CNTNAP2: variants seen among roughly 807,000 people sequenced by gnomAD.
CNTNAP2 encodes contactin associated protein 2, also known as contactin-associated protein-like 2.
Under a neutral mutation model 155.2 loss-of-function variants are expected in CNTNAP2, and 98 were observed. That is an observed-to-expected ratio of 0.63 (90% CI 0.54 to 0.75). CNTNAP2 has a LOEUF of 0.75. Ranked by LOEUF, CNTNAP2 falls within the 30% of genes least tolerant of loss-of-function variation. The pLI is 0.00. For synonymous variants in CNTNAP2, 651 were observed against 631.2 expected, an observed-to-expected ratio of 1.03 and a Z score of -0.47; for missense variants, 1,727 against 1,688.1, an observed-to-expected ratio of 1.02 and a Z score of -0.40.
rs1471427675 is a variant in CNTNAP2, at chr7:146,606,685, T to C, written c.98-167586T>C. Among the ~76,000 whole-genome samples, 4 of 152,226 alleles carry C rather than the reference T, an allele frequency of 2.6e-5. No homozygotes were observed. In the South Asian group the frequency reaches 6.2e-4, roughly 24 times the overall value. On this transcript the variant is annotated intron_variant, in intron 1 of 23. Coordinates refer to ENST00000361727, the MANE Select transcript of CNTNAP2 (RefSeq NM_014141.6). ...CTTTTCACTTGACAAAACCCACTTATTTTGCTTGAGAAATTATAAAACAAA... is the reference window on the plus strand; with the variant it reads ...CTTTTCACTTGACAAAACCCACTTACTTTGCTTGAGAAATTATAAAACAAA...
intron 14 of CNTNAP2, among the ~76,000 whole-genome samples, chr7:147,924,833 T>C (rs1336540949): frequency 2.0e-5 from 3 of 151,888 alleles, no homozygotes; most frequent in Non-Finnish European, 2.9e-5. Context: ...AGAAAGAGAA[T>C]GTGGCAAGGT....
chr7:146,687,950 CT>C (rs1447810721), intron 1 of CNTNAP2, among the ~76,000 whole-genome samples: 1 of 152,090 alleles, frequency 6.6e-6, no homozygotes. Context: ...GAAACACAGA[CT>C]TTTCCCAAGA....
chr7:147,203,708 T>A (rs1389655673), intron 8 of CNTNAP2, among the ~76,000 whole-genome samples: 1 of 152,144 alleles, frequency 6.6e-6, no homozygotes, highest in East Asian at 1.9e-4. Context: ...ATCAAGATAG[T>A]ACTATTGAAA....
chr7:146,573,904 A>G (rs191303444), intron 1 of CNTNAP2, among the ~76,000 whole-genome samples: 222 of 152,336 alleles, frequency 1.5e-3, no homozygotes, highest in Non-Finnish European at 1.0e-3. Context: ...AGGTGTAAAA[A>G]AATGCATGTT....
At chr7:147,268,709 G>A (rs181819216) in intron 8 of CNTNAP2, among the ~76,000 whole-genome samples, 3 of 152,282 alleles carry the variant, frequency 2.0e-5, no homozygotes, top group South Asian at 2.1e-4. Flanking sequence ...GTCAGAAGGA[G>A]AGCAAGTTTG....
At chr7:147,904,338 G>T (rs1165542903) in intron 14 of CNTNAP2, among the ~76,000 whole-genome samples, 3 of 152,092 alleles carry the variant, frequency 2.0e-5, no homozygotes, top group Non-Finnish European at 2.9e-5. Flanking sequence ...GTTCTGCCCC[G>T]CAGTGAATAG....
At chr7:148,138,024 G>A (rs987997010) in intron 16 of CNTNAP2, among the ~76,000 whole-genome samples, 8 of 152,190 alleles carry the variant, frequency 5.3e-5, no homozygotes, top group African/African-American at 1.9e-4. Context: ...GAAACAATTT[G>A]TGGCAAAACA....
intron 1 of CNTNAP2, among the ~76,000 whole-genome samples, chr7:146,305,686 C>G (rs776839687): frequency 6.6e-6 from 1 of 152,136 alleles, no homozygotes; most frequent in African/African-American, 2.4e-5. Context: ...TAAAGATGTT[C>G]TTTGAAGCCA....
intron 3 of CNTNAP2, among the ~76,000 whole-genome samples, chr7:146,969,917 C>T (rs1253691020): frequency 1.3e-5 from 2 of 152,162 alleles, no homozygotes; most frequent in Non-Finnish European, 2.9e-5. Flanking sequence ...ATATCTACAA[C>T]TATCTGATCT....
intron 13 of CNTNAP2, among the ~76,000 whole-genome samples, chr7:147,882,127 C>G (rs776981709): frequency 6.6e-6 from 1 of 151,788 alleles, no homozygotes; most frequent in Non-Finnish European, 1.5e-5. Flanking sequence ...AATTAGGTCA[C>G]TTCTGAAAAC....
At chr7:147,694,311 GTTTTC>G (rs1425638733) in intron 13 of CNTNAP2, among the ~76,000 whole-genome samples, 4 of 151,962 alleles carry the variant, frequency 2.6e-5, no homozygotes, top group Non-Finnish European at 5.9e-5. Context: ...ATGATCTGTA[GTTTTC>G]TTTTCTTATA....
chr7:146,980,055 A>G (rs867435989), intron 3 of CNTNAP2, among the ~76,000 whole-genome samples: 4 of 152,076 alleles, frequency 2.6e-5, no homozygotes, highest in African/African-American at 4.8e-5. Flanking sequence ...TGCTTTTTCC[A>G]TTAGATTTGA....
chr7:147,143,812 A>C (rs935333995), intron 8 of CNTNAP2, among the ~76,000 whole-genome samples: 4 of 152,204 alleles, frequency 2.6e-5, no homozygotes, highest in Non-Finnish European at 5.9e-5. Flanking sequence ...TGTACTGGGT[A>C]AACTATTTCA....
intron 1 of CNTNAP2, among the ~76,000 whole-genome samples, chr7:146,463,078 G>A (rs1796662790): frequency 6.6e-6 from 1 of 152,018 alleles, no homozygotes; most frequent in Non-Finnish European, 1.5e-5. Flanking sequence ...GAATAGACTA[G>A]AAAGTATTAG....
intron 3 of CNTNAP2, among the ~76,000 whole-genome samples, chr7:147,026,231 T>A (rs1306889351): frequency 6.6e-6 from 1 of 152,162 alleles, no homozygotes; most frequent in African/African-American, 2.4e-5. Flanking sequence ...GAAGATAGGA[T>A]CCTGAGATAC....
chr7:146,154,883 C>T (rs1798101558), intron 1 of CNTNAP2, among the ~76,000 whole-genome samples: 1 of 152,170 alleles, frequency 6.6e-6, no homozygotes, highest in Non-Finnish European at 1.5e-5. Flanking sequence ...GAGTTTTATA[C>T]TCTTCAGGGG....
chr7:148,265,387 C>T (rs1408570286), intron 20 of CNTNAP2, among the ~76,000 whole-genome samples: 2 of 152,144 alleles, frequency 1.3e-5, no homozygotes, highest in East Asian at 3.9e-4. Flanking sequence ...TATCCTCCCA[C>T]CTCAGCCTCT....
chr7:146,681,978 A>G (rs1800512671), intron 1 of CNTNAP2, among the ~76,000 whole-genome samples: 1 of 141,820 alleles, frequency 7.1e-6, no homozygotes, highest in African/African-American at 2.6e-5. Flanking sequence ...AGATAAAACC[A>G]TATAAAGTTC....
chr7:146,408,585 G>A (rs1584911582), intron 1 of CNTNAP2, among the ~76,000 whole-genome samples: 1 of 143,164 alleles, frequency 7.0e-6, no homozygotes, highest in African/African-American at 2.6e-5. Flanking sequence ...AGAACACTTG[G>A]ATACAGGAAG....
Sources: allele counts gnomAD v4.1 joint callset (sites outside exome capture counted in the v4.1 genomes callset), GRCh38; gene constraint gnomAD v4.1.1; transcripts MANE v1.5; gene names NCBI Gene and HGNC (gene_info 2026-07-23, HGNC 2026-07-21).